CEP43: variants seen among roughly 807,000 people sequenced by gnomAD.
CEP43 encodes FGFR1 oncogene partner.
In CEP43, 36 loss-of-function variants were observed where a neutral mutation model predicts 52.6. The ratio of observed to expected loss-of-function variants is 0.68; its 90% CI spans 0.52 to 0.90. The LOEUF is 0.90. Among genes scored for constraint, CEP43 ranks in the 40% least tolerant of loss-of-function variants. The probability of loss-of-function intolerance (pLI) is 0.00; values close to 1 mark genes in which losing one functional copy is unlikely to be tolerated. For missense variants in CEP43, 506 were observed against 472.8 expected (o/e 1.07, Z -0.65); for synonymous variants, 192 against 172.4 (o/e 1.11, Z -0.89).
intron 6 of CEP43, among the ~76,000 whole-genome samples, chr6:167,012,415 A>G (rs571054659): frequency 6.6e-6 from 1 of 152,142 alleles, no homozygotes; most frequent in African/African-American, 2.4e-5. Context: ...CCAGTGATAG[A>G]GTAAGGTCAT....
At chr6:167,027,816 G>A (rs1780386258) in intron 10 of CEP43, 2 of 940,258 alleles carry the variant, frequency 2.1e-6, no homozygotes, top group Non-Finnish European at 2.5e-6. Context: ...CATGGTAGGT[G>A]CCTAGTAAAT....
At chr6:167,006,040 C>A (rs1418208743) in intron 5 of CEP43, among the ~76,000 whole-genome samples, 2 of 152,212 alleles carry the variant, frequency 1.3e-5, no homozygotes, top group Non-Finnish European at 2.9e-5. Flanking sequence ...CCTGCAGTCA[C>A]TCAGCCTCCG....
chr6:167,034,893 C>G (rs934978952), intron 12 of CEP43, among the ~76,000 whole-genome samples: 5 of 150,012 alleles, frequency 3.3e-5, no homozygotes, highest in Admixed American at 3.3e-4. Flanking sequence ...TATTATATAC[C>G]CTTATAATTA....
chr6:167,041,798 T>C lies in CEP43; in HGVS notation c.*1820T>C. On this transcript the variant is annotated 3_prime_UTR_variant, in exon 13 of 13. Coordinates refer to ENST00000366847, the MANE Select transcript of CEP43 (RefSeq NM_007045.4). Reference sequence around the variant, plus strand: ...AAAGAAATATGCCAAATATGAAACTTTTTTGTCAGCACTACATACATCTTT... The same window carrying C: ...AAAGAAATATGCCAAATATGAAACTCTTTTGTCAGCACTACATACATCTTT... The C allele has an allele frequency of 9.9e-7, 1 of 1,009,840 alleles. No individual in the cohort carries two copies. Among genetic ancestry groups the C allele is most frequent in the Non-Finnish European group, 1.2e-6 (1 of 844,182 alleles). The allele number at this position is 1,009,840 out of a possible 1,614,324, so 62.6% of individuals were successfully genotyped here.
chr6:167,041,502 C>A lies in CEP43; in HGVS notation c.*1524C>A. ...CAGATGTAATCTTGTTGCAGTCCCC[C>A]AGTGTGGTTGTTATAAAATGCATTT... is the stretch of plus-strand genomic sequence containing the variant. On this transcript the variant is annotated 3_prime_UTR_variant, in exon 13 of 13. Transcript: ENST00000366847. 1 of 1,056,104 alleles carries A rather than the reference C, an allele frequency of 9.5e-7. No homozygotes were observed. Among genetic ancestry groups the A allele is most frequent in the Non-Finnish European group, 1.1e-6 (1 of 873,472 alleles). The allele number at this position is 1,056,104 out of a possible 1,614,324, so 65.4% of individuals were successfully genotyped here.
chr6:166,999,585 T>G, intron 1 of CEP43, 71 bp downstream of exon 1: 1 of 1,161,918 alleles, frequency 8.6e-7, no homozygotes, highest in Non-Finnish European at 1.1e-6. Context: ...GTCACAACGG[T>G]CGCGGCGAGG....
chr6:167,027,395 G>A (rs557012178), intron 10 of CEP43, among the ~76,000 whole-genome samples: 7 of 152,132 alleles, frequency 4.6e-5, no homozygotes, highest in South Asian at 2.1e-4. Flanking sequence ...TGAAGGAAAC[G>A]GTGCAGCCAG....
chr6:167,020,419 A>G (rs1186632031), intron 7 of CEP43, among the ~76,000 whole-genome samples: 1 of 152,182 alleles, frequency 6.6e-6, no homozygotes, highest in Non-Finnish European at 1.5e-5. Context: ...CCCATATGAA[A>G]AGTGAAACCA....
intron 5 of CEP43, among the ~76,000 whole-genome samples, chr6:167,009,474 C>A (rs1202517755): frequency 7.7e-6 from 1 of 130,682 alleles, no homozygotes; most frequent in Non-Finnish European, 1.5e-5. Context: ...TGCGCCTCTG[C>A]ACTCCACAGA....
intron 6 of CEP43, among the ~76,000 whole-genome samples, chr6:167,012,211 T>C (rs1428342382): frequency 2.0e-5 from 3 of 152,248 alleles, no homozygotes; most frequent in Non-Finnish European, 2.9e-5. Flanking sequence ...TGTTATTTTT[T>C]GCTTGTTCTT....
At chr6:167,038,688 A>G (rs1025997927) in intron 12 of CEP43, among the ~76,000 whole-genome samples, 7 of 152,246 alleles carry the variant, frequency 4.6e-5, no homozygotes, top group Admixed American at 1.3e-4. Context: ...AGATTGTACT[A>G]ACTTAGTAGA....
At chr6:167,033,185 A>G (rs1010507174) in intron 11 of CEP43, among the ~76,000 whole-genome samples, 1 of 128,548 alleles carries the variant, frequency 7.8e-6, no homozygotes, top group African/African-American at 3.0e-5. Flanking sequence ...ATCTGGGCTC[A>G]CTGCAACCTC....
At chr6:167,028,070 A>T in intron 10 of CEP43, 1 of 985,008 alleles carries the variant, frequency 1.0e-6, no homozygotes, top group African/African-American at 1.8e-5. Context: ...GTTCTTTTCC[A>T]CTAAATCTCA....
At chr6:167,034,500 G>A (rs1780543030) in intron 12 of CEP43, among the ~76,000 whole-genome samples, 4 of 152,188 alleles carry the variant, frequency 2.6e-5, no homozygotes, top group African/African-American at 7.2e-5. Flanking sequence ...AAGATCCTTC[G>A]ATGGTGAGCT....
At chr6:167,004,460 A>G (rs1779807213) in intron 5 of CEP43, 59 bp downstream of exon 5, 7 of 1,486,716 alleles carry the variant, frequency 4.7e-6, no homozygotes, top group Non-Finnish European at 6.3e-6. Flanking sequence ...TAGTTTAGCC[A>G]TGCAGATTAG....
rs1378531237 is a variant in CEP43 at position 167,041,121 on chromosome 6, C to T, written c.*1143C>T. The T allele has an allele frequency of 1.9e-6, 2 of 1,041,824 alleles. No homozygotes were observed. Among genetic ancestry groups the T allele is most frequent in the African/African-American group, 3.3e-5 (2 of 59,754 alleles). 64.5% of individuals were successfully genotyped at this position (1,041,824 alleles called of 1,614,324 possible). The stretch of plus-strand genomic sequence containing the variant: ...TCAATTAAGTTGCGGCTTTTTACTA[C>T]AAGTTAACTTTATTAGTAAAAGGAG... On this transcript the variant is annotated 3_prime_UTR_variant, in exon 13 of 13. Coordinates refer to ENST00000366847, the MANE Select transcript of CEP43 (RefSeq NM_007045.4).
At chr6:167,003,584 T>C in intron 3 of CEP43, 139 bp from the exon 4 acceptor site, 1 of 592,498 alleles carries the variant, frequency 1.7e-6, no homozygotes, top group Non-Finnish European at 3.0e-6. Context: ...CTTAATCATA[T>C]TATTCAAAGA....
chr6:167,019,300 C>T (rs375040431), intron 7 of CEP43, among the ~76,000 whole-genome samples: 4 of 145,290 alleles, frequency 2.8e-5, no homozygotes, highest in Non-Finnish European at 6.1e-5. Flanking sequence ...TGTGCACACG[C>T]GTACACCTGC....
At chr6:167,006,739 G>A (rs146354794) in intron 5 of CEP43, among the ~76,000 whole-genome samples, 4 of 152,226 alleles carry the variant, frequency 2.6e-5, no homozygotes, top group Non-Finnish European at 5.9e-5. Context: ...ACTGAGGGAC[G>A]ACTGTGTTAG....
Sources: allele counts gnomAD v4.1 joint callset (sites outside exome capture counted in the v4.1 genomes callset), GRCh38; gene constraint gnomAD v4.1.1; transcripts MANE v1.5; gene names NCBI Gene and HGNC (gene_info 2026-07-23, HGNC 2026-07-21).